Variants in HIPK3 observed in about 807,000 individuals in gnomAD.
HIPK3 encodes the protein homeodomain interacting protein kinase 3, also known as homeodomain-interacting protein kinase 3.
HIPK3 carries 47 observed loss-of-function variants against 124.2 expected under a neutral mutation model. The observed-to-expected ratio is 0.38, with a 90% confidence interval of 0.30 to 0.48. HIPK3 has a LOEUF of 0.48. Ranked by LOEUF, HIPK3 falls within the 20% of genes least tolerant of loss-of-function variation. The probability of loss-of-function intolerance (pLI) is 0.98; values close to 1 mark genes in which losing one functional copy is unlikely to be tolerated. For missense variants in HIPK3, 1,286 were observed against 1,454.3 expected, an observed-to-expected ratio of 0.88 and a Z score of 1.88; for synonymous variants, 482 against 515.2, an observed-to-expected ratio of 0.94 and a Z score of 0.87.
intron 2 of HIPK3, among the ~76,000 whole-genome samples, chr11:33,325,053 T>C (rs1367555259): frequency 6.6e-6 from 1 of 152,252 alleles, no homozygotes; most frequent in Non-Finnish European, 1.5e-5. Flanking sequence ...GTGTAACTTT[T>C]GTATCTCAGG....
intron 2 of HIPK3, among the ~76,000 whole-genome samples, chr11:33,307,475 T>C (rs1053693040): frequency 2.0e-5 from 3 of 151,410 alleles, no homozygotes; most frequent in Non-Finnish European, 4.4e-5. Flanking sequence ...CTCGGTTTAT[T>C]GCAAGCTCCG....
chr11:33,347,465 T>C (rs769286963), intron 9 of HIPK3, 51 bp downstream of exon 9: 1 of 1,608,766 alleles, frequency 6.2e-7, no homozygotes, highest in Non-Finnish European at 8.5e-7. Context: ...TTTTGGGAAA[T>C]AGTGAAAATG....
chr11:33,271,800 A>G (rs1489193939), intron 1 of HIPK3, among the ~76,000 whole-genome samples: 1 of 152,164 alleles, frequency 6.6e-6, no homozygotes, highest in Admixed American at 6.5e-5. Context: ...GGTGTATTTA[A>G]AAAAATCTCT....
intron 13 of HIPK3, 139 bp downstream of exon 13, chr11:33,348,957 C>A: frequency 1.1e-6 from 1 of 915,662 alleles, no homozygotes; most frequent in Non-Finnish European, 1.6e-6. Flanking sequence ...CAGTTCTAGA[C>A]AGGGAACTTT....
intron 8 of HIPK3, among the ~76,000 whole-genome samples, chr11:33,346,834 T>G (rs1368633605): frequency 6.6e-6 from 1 of 152,204 alleles, no homozygotes; most frequent in Non-Finnish European, 1.5e-5. Context: ...AAGTACCTCA[T>G]TTTGCTACTA....
At chr11:33,348,116 T>C in intron 11 of HIPK3, 50 bp from the exon 12 acceptor site, 1 of 1,608,632 alleles carries the variant, frequency 6.2e-7, no homozygotes, top group South Asian at 1.1e-5. Flanking sequence ...AATGACCTCT[T>C]TTATAGCTTT....
At chr11:33,257,271 A>C (rs1156741781), upstream of HIPK3, 4 of 982,798 alleles carry the variant, frequency 4.1e-6, no homozygotes, top group Admixed American at 2.5e-4. Context: ...GCCGGAGCGG[A>C]GCGGAGCCGC....
intron 2 of HIPK3, among the ~76,000 whole-genome samples, chr11:33,299,030 A>G (rs1365024641): frequency 6.6e-6 from 1 of 151,742 alleles, no homozygotes; most frequent in African/African-American, 2.4e-5. Flanking sequence ...TATTTTTAGT[A>G]GAGACTGGGT....
In HIPK3 at chr11:33,356,601, GTGTT is replaced by G. The variant is rs1853823950; in HGVS notation, c.*3034_*3037del. ...AATCTGCTAATTTTAAACTTGGACT[GTGTT>G]AAGTAAAAGTTAAATCATACACTGC... On this transcript the variant is annotated 3_prime_UTR_variant, in exon 17 of 17. Transcript: ENST00000303296. 2 of 151,820 alleles carry G rather than the reference GTGTT, an allele frequency of 1.3e-5. No individual in the cohort carries two copies. The highest frequency in any genetic ancestry group is 4.1e-4 in the South Asian group (2 of 4,832). 9.4% of individuals were successfully genotyped at this position (151,820 alleles called of 1,614,324 possible).
At position 33,339,384 on chromosome 11, in the gene HIPK3, T is replaced by TGGA; in HGVS notation, c.1463_1464insGGA (p.Leu488_Leu489insAsp). On this transcript the variant is annotated inframe_insertion, in exon 6 of 17. Transcript: ENST00000303296. ...GTGATGGATTTGGAAGGAAGTGATC[T>TGGA]TTTGGCTGAGAAAGCTGATAGAAGA... 6.2e-7 allele frequency: 1 copy of TGGA among 1,613,634 alleles called. No homozygotes were observed. The highest frequency in any genetic ancestry group is 8.5e-7 in the Non-Finnish European group (1 of 1,179,642).
At position 33,349,280 on chromosome 11, in the gene HIPK3, C is replaced by T; in HGVS notation, c.2800C>T (p.Pro934Ser). The T allele has an allele frequency of 6.2e-7, 1 of 1,610,540 alleles. No homozygotes were observed. Among genetic ancestry groups the T allele is most frequent in the East Asian group, 2.2e-5 (1 of 44,864 alleles). ...GTCCAGCCCATCCCCCTGCAAGAGA[C>T]CGAATAGGTAAAAGAATCTCAATAG... Reference protein sequence around the residue: ...GQSSPSPCKRPNSMSDEEQES... With the variant: ...GQSSPSPCKRSNSMSDEEQES... The change falls in exon 14 of 17, where the codon CCG becomes TCG. Residue 934 changes from proline (P) to serine (S), a missense_variant. Physicochemically the swap from Pro to Ser is moderately conservative, Grantham distance 74. This residue lies in a region of HIPK3 where 810 missense variants were observed against 864.9 expected (regional missense o/e 0.94). Transcript: ENST00000303296.
chr11:33,305,272 G>T (rs750933189), intron 2 of HIPK3, among the ~76,000 whole-genome samples: 2 of 152,176 alleles, frequency 1.3e-5, no homozygotes, highest in Non-Finnish European at 2.9e-5. Context: ...AAAGTGCTGG[G>T]ATTATAGGCT....
rs956026145 is a variant in HIPK3 at position 33,352,145 on chromosome 11, A to G, written c.3051A>G (p.Ile1017Met). ...ADEHMANTDS[I>M]CQPLIKGRSA... ...TATTTTATTCGTCGCCAGATTCTAT[A>G]TGCCAGCCATTAATAAAAGGACGAT... The change falls in exon 16 of 17, where the codon ATA (isoleucine) becomes ATG (methionine). Residue 1017 changes from isoleucine to methionine, a missense_variant. By Grantham distance (10) the Ile-to-Met change is conservative (BLOSUM62 1). Transcript: ENST00000303296. 1.2e-6 allele frequency: 2 copies of G among 1,613,550 alleles called. No individual in the cohort carries two copies. Among genetic ancestry groups the G allele is most frequent in the Non-Finnish European group, 1.7e-6 (2 of 1,179,468 alleles).
chr11:33,301,863 G>T (rs1159113004), intron 2 of HIPK3, among the ~76,000 whole-genome samples: 1 of 47,786 alleles, frequency 2.1e-5, no homozygotes, highest in African/African-American at 6.3e-5. Context: ...CACGAGTACA[G>T]TACAGTACCT....
chr11:33,333,935 T>C (rs960341946), intron 3 of HIPK3, among the ~76,000 whole-genome samples: 1 of 152,224 alleles, frequency 6.6e-6, no homozygotes, highest in Non-Finnish European at 1.5e-5. Context: ...TTGATGGCTT[T>C]TCTGTCTGAT....
intron 3 of HIPK3, among the ~76,000 whole-genome samples, chr11:33,330,624 G>A (rs117917721): frequency 2.0e-5 from 3 of 152,252 alleles, no homozygotes; most frequent in East Asian, 1.9e-4. Flanking sequence ...ACTGTGCCCC[G>A]CCCACAGTTC....
chr11:33,340,532 T>C (rs1853300262), intron 6 of HIPK3, among the ~76,000 whole-genome samples: 1 of 152,196 alleles, frequency 6.6e-6, no homozygotes, highest in Non-Finnish European at 1.5e-5. Flanking sequence ...TTCTTAAAAA[T>C]TACGTTTTTC....
intron 1 of HIPK3, among the ~76,000 whole-genome samples, chr11:33,259,343 TGATA>T (rs1850762067): frequency 6.6e-6 from 1 of 152,230 alleles, no homozygotes; most frequent in Admixed American, 6.5e-5. Context: ...ACCATATGTT[TGATA>T]AGTCTAGATT....
In HIPK3 at chr11:33,356,976, G is replaced by A. The variant is rs1296419515; in HGVS notation, c.*3408G>A. On this transcript the variant is annotated 3_prime_UTR_variant, in exon 17 of 17. Transcript: ENST00000303296. ...GAGTGTCAAAATAAGAATTTATGGTGTATTACTGTCGATTCACTTTGAATT... is the reference window on the plus strand; with the variant it reads ...GAGTGTCAAAATAAGAATTTATGGTATATTACTGTCGATTCACTTTGAATT... The A allele has an allele frequency of 6.6e-6, 1 of 152,106 alleles. No homozygotes were observed. The highest frequency in any genetic ancestry group is 1.5e-5 in the Non-Finnish European group (1 of 67,984). 9.4% of individuals were successfully genotyped at this position (152,106 alleles called of 1,614,324 possible). A position where few individuals can be genotyped will look rare whatever the true frequency, so the allele number is the denominator to read the frequency against.
Sources: gnomAD v4.1 joint callset for allele counts (sites outside exome capture counted in the v4.1 genomes callset) on GRCh38, gnomAD v4.1.1 for gene constraint, gnomAD v4.1.1 regional missense constraint, MANE v1.5 for transcripts, NCBI Gene and HGNC (gene_info 2026-07-23, HGNC 2026-07-21) for gene names.